Variants in MYOM1 observed in about 807,000 individuals in gnomAD.
MYOM1 encodes myomesin-1.
In MYOM1, 164 loss-of-function variants were observed where a neutral mutation model predicts 205.3. That is an observed-to-expected ratio of 0.80 (90% CI 0.70 to 0.91). The LOEUF is 0.91. Among genes scored for constraint, MYOM1 ranks in the 40% least tolerant of loss-of-function variants. MYOM1 has a pLI of 0.00. For missense variants in MYOM1, 2,011 were observed against 2,127.3 expected, an observed-to-expected ratio of 0.95 and a Z score of 1.08; for synonymous variants, 772 against 789.4, an observed-to-expected ratio of 0.98 and a Z score of 0.37.
In MYOM1 at chr18:3,147,471, A is replaced by G. The variant is rs117770005; in HGVS notation, c.1900+1674T>C. The stretch of plus-strand genomic sequence containing the variant: ...CAGCATGTTTTTTGTAGAAGTTGAT[A>G]AGCTGATTTTAAAATTTTTATAGAA... On this transcript the variant is annotated intron_variant, in intron 13 of 37. Transcript: ENST00000356443. Among the ~76,000 whole-genome samples, 18 of 152,246 alleles carry G rather than the reference A, an allele frequency of 1.2e-4. No individual in the cohort carries two copies. In the East Asian group the frequency reaches 3.5e-3, roughly 29 times the overall value.
At chr18:3,110,169 G>A (rs62074912) in intron 22 of MYOM1, among the ~76,000 whole-genome samples, 1 of 152,204 alleles carries the variant, frequency 6.6e-6, no homozygotes, top group Non-Finnish European at 1.5e-5. Context: ...ACATGAGCAT[G>A]AATATATCAC....
chr18:3,229,588 G>A, the MYOM1 span, among the ~76,000 whole-genome samples: 1 of 152,186 alleles, frequency 6.6e-6, no homozygotes, highest in African/African-American at 2.4e-5. Context: ...AATGTATAAT[G>A]TCATCAACCA....
chr18:3,101,081 C>G (rs113236586), intron 23 of MYOM1, among the ~76,000 whole-genome samples: 2,214 of 152,250 alleles, frequency 0.015, 58 homozygotes, highest in African/African-American at 0.049. Context: ...AGTGTATAAA[C>G]TGGGAGAAAA....
chr18:3,173,879 A>G (rs2080595471), intron 8 of MYOM1, 59 bp downstream of exon 8: 6 of 1,499,612 alleles, frequency 4.0e-6, no homozygotes, highest in Non-Finnish European at 5.6e-6. Flanking sequence ...TTATGGGCTA[A>G]CTTATTATGC....
intron 31 of MYOM1, among the ~76,000 whole-genome samples, chr18:3,084,552 C>G (rs535208299): frequency 6.6e-6 from 1 of 152,256 alleles, no homozygotes; most frequent in South Asian, 2.1e-4. Flanking sequence ...AAATCTTGTT[C>G]AGGAACAAAA....
rs1394312020 is a variant in MYOM1, at chr18:3,209,765, T to A, written c.290+5169A>T. Among the ~76,000 whole-genome samples the A allele has an allele frequency of 6.6e-6, 1 of 152,264 alleles. No individual in the cohort carries two copies. Among genetic ancestry groups the A allele is most frequent in the Non-Finnish European group, 1.5e-5 (1 of 68,050 alleles). ...TATCACCTTCTCAACAAGGCCTGAC[T>A]GCCCTCTTGAAAATTCTAACCTGCA... is the stretch of plus-strand genomic sequence containing the variant. On this transcript the variant is annotated intron_variant, in intron 2 of 37. Coordinates refer to ENST00000356443, the MANE Select transcript of MYOM1 (RefSeq NM_003803.4). This position sits in a 1 kb window ranked among gnomAD's most constrained non-coding sequence, Gnocchi z 4.0.
At chr18:3,118,474 A>T (rs1237382787) in intron 20 of MYOM1, among the ~76,000 whole-genome samples, 2 of 151,972 alleles carry the variant, frequency 1.3e-5, no homozygotes, top group Non-Finnish European at 2.9e-5. Flanking sequence ...CTGGGACTAC[A>T]GGCATGCACC....
At chr18:3,216,966 A>C (rs1477678389) in intron 1 of MYOM1, 3 of 152,224 alleles carry the variant, frequency 2.0e-5, no homozygotes, top group Non-Finnish European at 4.4e-5. Context: ...GATGGGCCGT[A>C]ATTCTATATG....
chr18:3,178,012 G>A (rs61687854), intron 5 of MYOM1, among the ~76,000 whole-genome samples: 2,923 of 152,234 alleles, frequency 0.019, 97 homozygotes, highest in African/African-American at 0.067. Context: ...GGGTCTGTAC[G>A]TGGCGCCTGG....
intron 15 of MYOM1, 72 bp from the exon 16 acceptor site, chr18:3,134,896 A>T: frequency 6.9e-7 from 1 of 1,446,230 alleles, no homozygotes; most frequent in Non-Finnish European, 9.7e-7. Flanking sequence ...ATGCACAAAC[A>T]CACACCTAGG....
chr18:3,245,753 C>A, the MYOM1 span, among the ~76,000 whole-genome samples: 1 of 152,122 alleles, frequency 6.6e-6, no homozygotes, highest in Non-Finnish European at 1.5e-5. Flanking sequence ...CTTTTCTTTC[C>A]CCACTGAATT....
chr18:3,091,214 G>C (rs1407882302), intron 26 of MYOM1, among the ~76,000 whole-genome samples: 1 of 152,116 alleles, frequency 6.6e-6, no homozygotes, highest in African/African-American at 2.4e-5. Flanking sequence ...TACCTGGGAG[G>C]CTGAGCCAGG....
chr18:3,217,240 G>C (rs1043120347), intron 1 of MYOM1: 2 of 152,382 alleles, frequency 1.3e-5, no homozygotes, highest in African/African-American at 4.8e-5. Flanking sequence ...AATGGTCCAG[G>C]CTAGAGGTGA....
chr18:3,160,371 A>C (rs2080373307), intron 10 of MYOM1, among the ~76,000 whole-genome samples: 1 of 151,900 alleles, frequency 6.6e-6, no homozygotes, highest in African/African-American at 2.4e-5. Flanking sequence ...GTTTTTGTAG[A>C]GATGGGGTCT....
chr18:3,212,632 T>C lies in MYOM1; in HGVS notation c.290+2302A>G, dbSNP rs184827345. ...TGAAATAAGTACACAAGGAGTTACA[T>C]TGACAACTGCCTTATAATGAAAATG... On this transcript the variant is annotated intron_variant, in intron 2 of 37. Transcript: ENST00000356443. Among the ~76,000 whole-genome samples the C allele has an allele frequency of 6.9e-3, 1,044 of 152,300 alleles. 11 individuals are homozygous for C. Among genetic ancestry groups the C allele is most frequent in the African/African-American group, 0.024 (978 of 41,562 alleles).
chr18:3,146,641 C>T (rs1043750552), intron 13 of MYOM1, among the ~76,000 whole-genome samples: 1 of 151,996 alleles, frequency 6.6e-6, no homozygotes, highest in Non-Finnish European at 1.5e-5. Context: ...GATAGCTATA[C>T]AAAACCTACA....
chr18:3,142,170 C>T, intron 13 of MYOM1, 107 bp from the exon 14 acceptor site: 2 of 1,339,088 alleles, frequency 1.5e-6, no homozygotes, highest in Non-Finnish European at 2.0e-6. Flanking sequence ...ATTATGTCTC[C>T]ACAGTTTAAA....
At chr18:3,197,965 A>T (rs2081015169) in intron 2 of MYOM1, among the ~76,000 whole-genome samples, 1 of 152,190 alleles carries the variant, frequency 6.6e-6, no homozygotes, top group African/African-American at 2.4e-5. Context: ...GCAGACCATA[A>T]AACCATGTCA....
intron 5 of MYOM1, among the ~76,000 whole-genome samples, chr18:3,184,379 A>G (rs1415754197): frequency 6.6e-6 from 1 of 152,164 alleles, no homozygotes; most frequent in African/African-American, 2.4e-5. Context: ...TTATTTATTT[A>G]GTTTGTAAAG....
Sources: gnomAD v4.1 joint callset for allele counts (sites outside exome capture counted in the v4.1 genomes callset) on GRCh38, gnomAD v4.1.1 for gene constraint, Gnocchi (gnomAD v3.1) non-coding constraint, MANE v1.5 for transcripts, NCBI Gene and HGNC (gene_info 2026-07-23, HGNC 2026-07-21) for gene names.